LRRC37A2: variants seen among roughly 807,000 people sequenced by gnomAD.
LRRC37A2 encodes the protein leucine-rich repeat-containing protein 37A2.
A neutral mutation model predicts 68.8 loss-of-function variants in LRRC37A2; 9 were observed. The ratio of observed to expected loss-of-function variants is 0.13; its 90% CI spans 0.08 to 0.23. The LOEUF is 0.23. Ranked by LOEUF, LRRC37A2 falls within the 10% of genes least tolerant of loss-of-function variation. The pLI is 1.00. For synonymous variants in LRRC37A2, 63 were observed against 367.6 expected (o/e 0.17, Z 9.48); for missense variants, 168 against 950.4 (o/e 0.18, Z 10.82).
At chr17:46,754,963 C>T in the LRRC37A2 span, among the ~76,000 whole-genome samples, 1 of 152,246 alleles carries the variant, frequency 6.6e-6, no homozygotes, top group Admixed American at 6.5e-5. Flanking sequence ...ACACCTTCAA[C>T]AGGTGAATTG....
At chr17:47,035,696 A>G in the LRRC37A2 span, among the ~76,000 whole-genome samples, 14 of 152,198 alleles carry the variant, frequency 9.2e-5, no homozygotes, top group African/African-American at 2.9e-4. Flanking sequence ...TTGCTAGATC[A>G]TATGGCAACT....
At chr17:46,976,206 G>T in the LRRC37A2 span, among the ~76,000 whole-genome samples, 2 of 150,708 alleles carry the variant, frequency 1.3e-5, no homozygotes, top group Admixed American at 6.6e-5. Context: ...GATTACAGGC[G>T]TGAGCCACCA....
the LRRC37A2 span, among the ~76,000 whole-genome samples, chr17:46,736,804 T>C: frequency 9.8e-5 from 15 of 152,342 alleles, no homozygotes; most frequent in East Asian, 2.7e-3. Flanking sequence ...TAAGATTTAA[T>C]TGAATATCTG....
chr17:46,932,029 A>T, the LRRC37A2 span: 1 of 1,607,050 alleles, frequency 6.2e-7, no homozygotes, highest in African/African-American at 1.3e-5. Flanking sequence ...TGCTGCCCTG[A>T]GTTCCTGGAA....
At chr17:46,905,719 C>T in the LRRC37A2 span, among the ~76,000 whole-genome samples, 15 of 152,200 alleles carry the variant, frequency 9.9e-5, no homozygotes, top group African/African-American at 3.6e-4. Context: ...CCTGGAACAG[C>T]CCCCTGGAAG....
the LRRC37A2 span, among the ~76,000 whole-genome samples, chr17:46,497,709 T>C: frequency 1.4e-5 from 2 of 146,942 alleles, no homozygotes; most frequent in Non-Finnish European, 3.0e-5. Flanking sequence ...TGTATGTAGA[T>C]GTATATCTAC....
the LRRC37A2 span, chr17:46,751,493 GT>G: frequency 2.5e-6 from 4 of 1,606,218 alleles, no homozygotes; most frequent in Non-Finnish European, 3.4e-6. Context: ...ATTGTTTATT[GT>G]TTTTGTAGCT....
At chr17:46,575,157 A>G in the LRRC37A2 span, among the ~76,000 whole-genome samples, 1 of 110,616 alleles carries the variant, frequency 9.0e-6, no homozygotes, top group Non-Finnish European at 2.1e-5. Flanking sequence ...TATTCAGAAC[A>G]GAACAGTAGT....
At chr17:46,816,864 A>C in the LRRC37A2 span, among the ~76,000 whole-genome samples, 2 of 152,180 alleles carry the variant, frequency 1.3e-5, no homozygotes, top group Admixed American at 1.3e-4. Flanking sequence ...TGGCCCGGGA[A>C]TGGGAAGAGG....
At chr17:46,822,102 C>T in the LRRC37A2 span, among the ~76,000 whole-genome samples, 4 of 152,188 alleles carry the variant, frequency 2.6e-5, no homozygotes, top group African/African-American at 9.7e-5. Context: ...TGCGAAGGGC[C>T]GAAGGCCTAA....
chr17:46,713,991 C>G, the LRRC37A2 span: 2 of 1,596,422 alleles, frequency 1.3e-6, no homozygotes, highest in East Asian at 2.2e-5. Flanking sequence ...AAGAAGGTAT[C>G]AAGATTTTAC....
At chr17:46,808,502 G>C in the LRRC37A2 span, among the ~76,000 whole-genome samples, 1 of 152,200 alleles carries the variant, frequency 6.6e-6, no homozygotes, top group Admixed American at 6.5e-5. Context: ...GAAGGAAAAA[G>C]GCTTTAGGTC....
chr17:46,728,792 C>G, the LRRC37A2 span: 1 of 962,674 alleles, frequency 1.0e-6, no homozygotes, highest in South Asian at 1.8e-5. Flanking sequence ...AAAACAAAAA[C>G]TGAATGTTTG....
At chr17:46,958,665 C>T in the LRRC37A2 span, among the ~76,000 whole-genome samples, 6 of 152,366 alleles carry the variant, frequency 3.9e-5, no homozygotes, top group East Asian at 1.2e-3. Context: ...TCCCACCACT[C>T]CCTCTGATGG....
chr17:46,714,008 T>C, the LRRC37A2 span: 1 of 1,595,324 alleles, frequency 6.3e-7, no homozygotes, highest in South Asian at 1.1e-5. Flanking sequence ...TTACTTTCAT[T>C]TTAATTTCCT....
the LRRC37A2 span, among the ~76,000 whole-genome samples, chr17:46,790,871 A>G: frequency 3.3e-5 from 5 of 152,344 alleles, no homozygotes; most frequent in South Asian, 4.1e-4. Flanking sequence ...GCTCACGTAC[A>G]TCGGAAAAGG....
the LRRC37A2 span, among the ~76,000 whole-genome samples, chr17:46,771,394 A>G: frequency 2.0e-5 from 3 of 151,398 alleles, no homozygotes; most frequent in Non-Finnish European, 2.9e-5. Context: ...GGGCGGGTTC[A>G]CAGGGCGGGC....
the LRRC37A2 span, among the ~76,000 whole-genome samples, chr17:46,899,314 G>A: frequency 2.0e-5 from 3 of 152,086 alleles, no homozygotes; most frequent in South Asian, 6.2e-4. Context: ...TGAGGTGGGA[G>A]GATGGCTTGA....
chr17:46,863,399 C>T, the LRRC37A2 span, among the ~76,000 whole-genome samples: 3 of 152,212 alleles, frequency 2.0e-5, no homozygotes, highest in South Asian at 6.2e-4. Flanking sequence ...AAGAATGGAT[C>T]TCAGGGTATG....
Sources: gnomAD v4.1 joint callset for allele counts (sites outside exome capture counted in the v4.1 genomes callset) on GRCh38, gnomAD v4.1.1 for gene constraint, MANE v1.5 for transcripts, NCBI Gene and HGNC (gene_info 2026-07-23, HGNC 2026-07-21) for gene names.